Variants in HHAT observed in about 807,000 individuals in gnomAD.
HHAT encodes hedgehog acyltransferase, also known as protein-cysteine N-palmitoyltransferase HHAT.
In HHAT, 47 loss-of-function variants were observed where a neutral mutation model predicts 70.8. The ratio of observed to expected loss-of-function variants is 0.66; its 90% CI spans 0.53 to 0.85. The LOEUF is 0.85. HHAT is among the 40% of genes least tolerant of loss of function. HHAT has a pLI of 0.00. For synonymous variants in HHAT, 228 were observed against 247.6 expected, an observed-to-expected ratio of 0.92 and a Z score of 0.74; for missense variants, 609 against 604.8, an observed-to-expected ratio of 1.01 and a Z score of -0.07.
chr1:210,437,576 G>A (rs1382442190), intron 7 of HHAT, among the ~76,000 whole-genome samples: 1 of 151,864 alleles, frequency 6.6e-6, no homozygotes, highest in African/African-American at 2.4e-5. Context: ...CCTGTGCAAA[G>A]CTTTCATTGC....
chr1:210,499,301 A>G (rs1238408554), intron 8 of HHAT, among the ~76,000 whole-genome samples: 1 of 152,030 alleles, frequency 6.6e-6, no homozygotes, highest in African/African-American at 2.4e-5. Flanking sequence ...GTGGCTCCTT[A>G]ATTTTTTTCT....
At chr1:210,357,545 G>C (rs7550408) in intron 2 of HHAT, among the ~76,000 whole-genome samples, 29,038 of 152,166 alleles carry the variant, frequency 0.19, 2,850 homozygotes, top group African/African-American at 0.23. Flanking sequence ...AATTTGGCTG[G>C]GTACGGTGGC....
At chr1:210,514,673 G>C (rs1020629663) in intron 9 of HHAT, among the ~76,000 whole-genome samples, 2 of 152,152 alleles carry the variant, frequency 1.3e-5, no homozygotes, top group Non-Finnish European at 2.9e-5. Context: ...AAACATTAGG[G>C]CTAGGAGGGA....
At chr1:210,510,138 T>C (rs1043547812) in intron 8 of HHAT, among the ~76,000 whole-genome samples, 2 of 152,170 alleles carry the variant, frequency 1.3e-5, no homozygotes, top group African/African-American at 4.8e-5. Context: ...TATTTAGTTT[T>C]TAAATTTTCA....
At chr1:210,611,308 C>CT (rs1666536038) in intron 10 of HHAT, among the ~76,000 whole-genome samples, 2 of 151,882 alleles carry the variant, frequency 1.3e-5, no homozygotes, top group Admixed American at 1.3e-4. Flanking sequence ...TAGCCCTCTG[C>CT]TTGCCTGTTG....
At chr1:210,543,975 CTG>C (rs1355700764) in intron 9 of HHAT, among the ~76,000 whole-genome samples, 1 of 152,212 alleles carries the variant, frequency 6.6e-6, no homozygotes, top group Non-Finnish European at 1.5e-5. Flanking sequence ...CCAGAACACA[CTG>C]TTGACTTTTC....
chr1:210,455,241 G>T (rs935612969), intron 7 of HHAT, among the ~76,000 whole-genome samples: 1 of 152,094 alleles, frequency 6.6e-6, no homozygotes, highest in African/African-American at 2.4e-5. Flanking sequence ...AGCAGAAAAA[G>T]GTATCTCTCA....
chr1:210,360,931 C>T (rs2088240816), intron 2 of HHAT, among the ~76,000 whole-genome samples: 1 of 147,082 alleles, frequency 6.8e-6, no homozygotes, highest in Non-Finnish European at 1.5e-5. Context: ...TGTTGGACAG[C>T]ACTAGGCAAG....
intron 9 of HHAT, among the ~76,000 whole-genome samples, chr1:210,555,081 G>T (rs1490287128): frequency 2.6e-5 from 4 of 152,158 alleles, no homozygotes; most frequent in Non-Finnish European, 2.9e-5. Context: ...CACACCCAGG[G>T]ACTTGAAGGG....
intron 11 of HHAT, among the ~76,000 whole-genome samples, chr1:210,624,799 A>G (rs1417391175): frequency 6.6e-6 from 1 of 152,208 alleles, no homozygotes; most frequent in East Asian, 1.9e-4. Flanking sequence ...ATACTACTAT[A>G]GCCAACTTGC....
chr1:210,404,419 C>T, intron 5 of HHAT, 45 bp from the exon 6 acceptor site: 1 of 1,468,924 alleles, frequency 6.8e-7, no homozygotes, highest in Non-Finnish European at 9.5e-7. Flanking sequence ...TGGACGATGT[C>T]CCTGCTGGCC....
chr1:210,329,298 G>A (rs1206328141), intron 1 of HHAT, 194 bp downstream of exon 1: 4 of 1,225,930 alleles, frequency 3.3e-6, no homozygotes, highest in Non-Finnish European at 4.1e-6. Flanking sequence ...GGCCGCGCGC[G>A]CAGTGCGCCC....
In HHAT at chr1:210,441,091, GCTGCCACTAATGTCA is replaced by G. The variant is rs549171549; in HGVS notation, c.856+22776_856+22790del. Among the ~76,000 whole-genome samples the G allele has an allele frequency of 2.6e-3, 397 of 152,316 alleles. 1 individual carries two copies. The highest frequency in any genetic ancestry group is 9.3e-3 in the African/African-American group (385 of 41,570). ...GTGTAACTTGAACTAGCCACTGCGT[GCTGCCACTAATGTCA>G]CTGCCACTAGAGTGTGCTTGTCCAG... On this transcript the variant is annotated intron_variant, in intron 7 of 11. Coordinates refer to ENST00000261458, the MANE Select transcript of HHAT (RefSeq NM_018194.6).
In HHAT at chr1:210,444,396, G is replaced by A. The variant is rs371305150; in HGVS notation, c.857-20109G>A. The stretch of plus-strand genomic sequence containing the variant: ...AAGGAGGATTCCCTCTTTTTCTATT[G>A]ATTGGAATAGTTTCAGAAGGAATGG... On this transcript the variant is annotated intron_variant, in intron 7 of 11. Coordinates refer to ENST00000261458, the MANE Select transcript of HHAT (RefSeq NM_018194.6). Among the ~76,000 whole-genome samples, 12 of 143,048 alleles carry A rather than the reference G, an allele frequency of 8.4e-5. No individual in the cohort carries two copies. The East Asian group carries it at 2.2e-3, about 27-fold the overall frequency. 93.8% of individuals were successfully genotyped at this position (143,048 alleles called of 152,430 possible).
chr1:210,346,115 G>A (rs1034910642), intron 1 of HHAT, among the ~76,000 whole-genome samples: 12 of 150,992 alleles, frequency 7.9e-5, no homozygotes, highest in African/African-American at 1.5e-4. Context: ...TTATTAAACC[G>A]AATTTTCTAG....
At chr1:210,673,803 TTATTTATTTATG>T (rs1264279823) in intron 11 of HHAT, among the ~76,000 whole-genome samples, 203 of 126,368 alleles carry the variant, frequency 1.6e-3, no homozygotes, top group Admixed American at 5.7e-3. Flanking sequence ...ATTTATTTAT[TTATTTATTTATG>T]GTAGAGATGA....
At chr1:210,396,858 GT>G (rs1368731377) in intron 4 of HHAT, among the ~76,000 whole-genome samples, 1 of 152,202 alleles carries the variant, frequency 6.6e-6, no homozygotes, top group Non-Finnish European at 1.5e-5. Flanking sequence ...GAGGTTACTG[GT>G]TGTCAGGATT....
At chr1:210,600,775 C>T (rs1664089151) in intron 10 of HHAT, among the ~76,000 whole-genome samples, 1 of 152,030 alleles carries the variant, frequency 6.6e-6, no homozygotes, top group Admixed American at 6.6e-5. Flanking sequence ...CACTTCATGC[C>T]AATTCTCAGT....
At chr1:210,477,341 T>C (rs2094320887) in intron 8 of HHAT, among the ~76,000 whole-genome samples, 1 of 152,224 alleles carries the variant, frequency 6.6e-6, no homozygotes, top group Admixed American at 6.5e-5. Flanking sequence ...ACTTCTCCCC[T>C]TCTCTGCCTT....
Sources: allele counts gnomAD v4.1 joint callset (sites outside exome capture counted in the v4.1 genomes callset), GRCh38; gene constraint gnomAD v4.1.1; transcripts MANE v1.5; gene names NCBI Gene and HGNC (gene_info 2026-07-23, HGNC 2026-07-21).